GSK3B: variants seen among roughly 807,000 people sequenced by gnomAD.
The protein encoded by GSK3B is glycogen synthase kinase-3 beta.
Under a neutral mutation model 56.4 loss-of-function variants are expected in GSK3B, and 15 were observed. The ratio of observed to expected loss-of-function variants is 0.27; its 90% CI spans 0.18 to 0.41. The LOEUF is 0.41. Ranked by LOEUF, GSK3B falls within the 10% of genes least tolerant of loss-of-function variation. The probability of loss-of-function intolerance (pLI) is 1.00; values close to 1 mark genes in which losing one functional copy is unlikely to be tolerated. For missense variants in GSK3B, 300 were observed against 513.4 expected (o/e 0.58, Z 4.02); for synonymous variants, 181 against 188.9 (o/e 0.96, Z 0.34).
At chr3:119,874,672 T>C (rs1460318726) in intron 8 of GSK3B, among the ~76,000 whole-genome samples, 1 of 136,816 alleles carries the variant, frequency 7.3e-6, no homozygotes, top group Non-Finnish European at 1.7e-5. Flanking sequence ...AAAAAGAATT[T>C]TTCCCTTTCC....
chr3:119,938,975 T>C (rs1304937197), intron 3 of GSK3B, among the ~76,000 whole-genome samples: 1 of 147,052 alleles, frequency 6.8e-6, no homozygotes, highest in Non-Finnish European at 1.5e-5. Flanking sequence ...CACAACCTAG[T>C]AAAAAGATCT....
intron 3 of GSK3B, among the ~76,000 whole-genome samples, chr3:119,930,343 G>A (rs751114940): frequency 7.2e-5 from 11 of 151,804 alleles, no homozygotes; most frequent in South Asian, 2.1e-4. Context: ...ATTGTGTAAC[G>A]CAATAAGGGG....
At chr3:119,905,430 T>C (rs2056673180) in intron 7 of GSK3B, among the ~76,000 whole-genome samples, 1 of 152,030 alleles carries the variant, frequency 6.6e-6, no homozygotes, top group African/African-American at 2.4e-5. Context: ...CAGACACAGC[T>C]TCTGCTTTTA....
At chr3:120,028,805 C>A (rs913469752) in intron 1 of GSK3B, 5 of 443,254 alleles carry the variant, frequency 1.1e-5, no homozygotes, top group Non-Finnish European at 2.2e-5. Context: ...CGCCAGTGGG[C>A]GGCCGCAGCT....
intron 1 of GSK3B, among the ~76,000 whole-genome samples, chr3:120,087,854 G>A (rs908178159): frequency 1.3e-5 from 2 of 151,740 alleles, no homozygotes; most frequent in African/African-American, 4.8e-5. Context: ...ATGGTAAGGG[G>A]GATTATAAAC....
intron 1 of GSK3B, among the ~76,000 whole-genome samples, chr3:120,077,545 A>C (rs1291279363): frequency 6.6e-6 from 1 of 152,160 alleles, no homozygotes. Context: ...ACCTGGGATA[A>C]ACATGTCAAA....
chr3:120,021,480 C>G (rs1322467256), intron 1 of GSK3B, among the ~76,000 whole-genome samples: 1 of 151,396 alleles, frequency 6.6e-6, no homozygotes, highest in African/African-American at 2.4e-5. Context: ...TGCGCCACGG[C>G]ACTCCAGCCT....
At chr3:119,942,674 C>A (rs1224436622) in intron 3 of GSK3B, among the ~76,000 whole-genome samples, 1 of 152,114 alleles carries the variant, frequency 6.6e-6, no homozygotes, top group South Asian at 2.1e-4. Context: ...TGATCCCACA[C>A]CTTAGCTTCA....
In GSK3B at chr3:120,062,873, A is replaced by C. The variant is rs574327732; in HGVS notation, c.88+30474T>G. 2.0e-5 allele frequency among the ~76,000 whole-genome samples: 3 copies of C among 152,352 alleles called. No individual in the cohort carries two copies. In the South Asian group the frequency reaches 6.2e-4, roughly 32 times the overall value. The stretch of plus-strand genomic sequence containing the variant: ...TAAGTTTGAGCCTACAGAGAAAGTA[A>C]AGAGGAATATATACCCTACTTTCTG... On this transcript the variant is annotated intron_variant, in intron 1 of 10. Coordinates refer to ENST00000264235, the MANE Select transcript of GSK3B (RefSeq NM_001146156.2).
chr3:120,071,868 A>G (rs1462868432), intron 1 of GSK3B, among the ~76,000 whole-genome samples: 1 of 152,156 alleles, frequency 6.6e-6, no homozygotes, highest in Non-Finnish European at 1.5e-5. Context: ...CACATTAAGA[A>G]CCCAGATATA....
intron 1 of GSK3B, among the ~76,000 whole-genome samples, chr3:120,036,788 G>A (rs1353361953): frequency 5.3e-4 from 35 of 66,552 alleles, no homozygotes; most frequent in Middle Eastern, 0.016. Flanking sequence ...GTAAGACTCC[G>A]ACTCAAAAAA....
intron 3 of GSK3B, among the ~76,000 whole-genome samples, chr3:119,935,412 T>C (rs970398297): frequency 2.0e-5 from 3 of 152,144 alleles, no homozygotes; most frequent in African/African-American, 4.8e-5. Context: ...TTTCATCTAA[T>C]TGAAAAAGAA....
chr3:120,011,613 A>G (rs1451064238), intron 1 of GSK3B, among the ~76,000 whole-genome samples: 2 of 152,228 alleles, frequency 1.3e-5, no homozygotes, highest in African/African-American at 4.8e-5. Context: ...GAGACAAGGT[A>G]CTTACTACCT....
intron 2 of GSK3B, among the ~76,000 whole-genome samples, chr3:119,985,451 C>A (rs1313284330): frequency 6.6e-6 from 1 of 152,052 alleles, no homozygotes; most frequent in Non-Finnish European, 1.5e-5. Context: ...CCGTCTCAGC[C>A]CAAAATCTCA....
At chr3:120,054,127 A>AG (rs1369036154) in intron 1 of GSK3B, among the ~76,000 whole-genome samples, 1 of 152,252 alleles carries the variant, frequency 6.6e-6, no homozygotes, top group Non-Finnish European at 1.5e-5. Context: ...AAAATACCTT[A>AG]GAACAATTTT....
chr3:119,845,655 A>G (rs536989514), intron 9 of GSK3B, among the ~76,000 whole-genome samples: 2 of 152,338 alleles, frequency 1.3e-5, no homozygotes, highest in South Asian at 4.1e-4. Flanking sequence ...TCAAGGAAAT[A>G]AGAGAGGACA....
chr3:120,011,278 T>C (rs1466619789), intron 1 of GSK3B, among the ~76,000 whole-genome samples: 2 of 152,192 alleles, frequency 1.3e-5, no homozygotes, highest in African/African-American at 4.8e-5. Flanking sequence ...CGTTCCCTAT[T>C]TGCCTCCACA....
chr3:120,056,203 G>A (rs1288090701), intron 1 of GSK3B, among the ~76,000 whole-genome samples: 1 of 152,152 alleles, frequency 6.6e-6, no homozygotes, highest in Non-Finnish European at 1.5e-5. Flanking sequence ...CATGTAAATG[G>A]CTTACTATAT....
intron 9 of GSK3B, among the ~76,000 whole-genome samples, chr3:119,862,667 GTTTT>G (rs79778347): frequency 2.5e-4 from 28 of 110,400 alleles, no homozygotes; most frequent in African/African-American, 8.8e-4. Flanking sequence ...ACTATTTCTT[GTTTT>G]TTTTTTTTTT....
Sources: gnomAD v4.1 joint callset for allele counts (sites outside exome capture counted in the v4.1 genomes callset) on GRCh38, gnomAD v4.1.1 for gene constraint, MANE v1.5 for transcripts, NCBI Gene and HGNC (gene_info 2026-07-23, HGNC 2026-07-21) for gene names.